Variants in C12orf54 observed in about 807,000 individuals in gnomAD.
C12orf54 encodes uncharacterized protein C12orf54.
A neutral mutation model predicts 26.4 loss-of-function variants in C12orf54; 24 were observed. That is an observed-to-expected ratio of 0.91 (90% CI 0.66 to 1.28). C12orf54 has a LOEUF of 1.28. C12orf54 is among the 50% of genes most tolerant of loss of function. The pLI is 0.00. For missense variants in C12orf54, 154 were observed against 150.9 expected (o/e 1.02, Z -0.11); for synonymous variants, 54 against 47.0 (o/e 1.15, Z -0.61).
chr12:48,478,703 A>C (rs1327883417), upstream of C12orf54, among the ~76,000 whole-genome samples: 1 of 152,232 alleles, frequency 6.6e-6, no homozygotes, highest in Non-Finnish European at 1.5e-5. Context: ...GACGTGAAGG[A>C]CATCTTCAAG....
the C12orf54 span, among the ~76,000 whole-genome samples, chr12:48,450,450 C>G: frequency 1.3e-5 from 2 of 152,026 alleles, no homozygotes; most frequent in African/African-American, 4.8e-5. Flanking sequence ...CAAACCAACC[C>G]CAAAGCTAGC....
the C12orf54 span, among the ~76,000 whole-genome samples, chr12:48,448,710 G>C: frequency 6.6e-6 from 1 of 152,210 alleles, no homozygotes; most frequent in Non-Finnish European, 1.5e-5. Context: ...TTTAGTTGTA[G>C]AGGTGAGTGG....
At chr12:48,439,722 G>A in the C12orf54 span, among the ~76,000 whole-genome samples, 1 of 152,078 alleles carries the variant, frequency 6.6e-6, no homozygotes, top group East Asian at 1.9e-4. Flanking sequence ...ACAGGAAGGG[G>A]AACATCACAC....
At chr12:48,427,141 T>A in the C12orf54 span, among the ~76,000 whole-genome samples, 26 of 152,200 alleles carry the variant, frequency 1.7e-4, no homozygotes, top group African/African-American at 5.5e-4. Context: ...AGAGAGGGCA[T>A]CCTTGTCTTG....
At chr12:48,437,406 C>T in the C12orf54 span, among the ~76,000 whole-genome samples, 1 of 152,142 alleles carries the variant, frequency 6.6e-6, no homozygotes, top group Non-Finnish European at 1.5e-5. Context: ...TTTTGTGAGG[C>T]CAGCATCATC....
At chr12:48,472,706 G>A in the C12orf54 span, 535 of 1,614,176 alleles carry the variant, frequency 3.3e-4, 2 homozygotes, top group African/African-American at 6.5e-3. Context: ...TGCGGAACAG[G>A]ACGCCCTCCG....
chr12:48,414,713 G>A, the C12orf54 span, among the ~76,000 whole-genome samples: 121,942 of 152,030 alleles, frequency 0.8, 49,167 homozygotes, highest in East Asian at 0.88. Context: ...TCATGGGGAA[G>A]GTAGTATTAT....
chr12:48,429,076 T>C, the C12orf54 span, among the ~76,000 whole-genome samples: 1 of 152,124 alleles, frequency 6.6e-6, no homozygotes, highest in Non-Finnish European at 1.5e-5. Context: ...CACATGATCA[T>C]CTCAATAGAT....
At chr12:48,488,299 G>A (rs959487850) in intron 4 of C12orf54, 3 of 558,974 alleles carry the variant, frequency 5.4e-6, no homozygotes, top group African/African-American at 3.7e-5. Flanking sequence ...AGACTTACAA[G>A]AGGGGAAGCC....
the C12orf54 span, among the ~76,000 whole-genome samples, chr12:48,469,861 C>G: frequency 6.6e-6 from 1 of 152,178 alleles, no homozygotes; most frequent in South Asian, 2.1e-4. Flanking sequence ...TCTTCCCACT[C>G]TAGTTGTCCC....
the C12orf54 span, among the ~76,000 whole-genome samples, chr12:48,414,183 G>A: frequency 6.6e-6 from 1 of 152,212 alleles, no homozygotes; most frequent in African/African-American, 2.4e-5. Context: ...TTCTGAGCCA[G>A]TTCTCTGTGC....
At chr12:48,446,203 C>G in the C12orf54 span, among the ~76,000 whole-genome samples, 1 of 152,280 alleles carries the variant, frequency 6.6e-6, no homozygotes, top group Non-Finnish European at 1.5e-5. Flanking sequence ...TGTGAGCTGA[C>G]ATTGTTTTTT....
At chr12:48,477,338 TA>T in the C12orf54 span, among the ~76,000 whole-genome samples, 1 of 151,906 alleles carries the variant, frequency 6.6e-6, no homozygotes, top group Non-Finnish European at 1.5e-5. Context: ...TTAAAAGAAC[TA>T]GAAAAGCAAG....
chr12:48,486,571 TGGG>T, intron 3 of C12orf54, 114 bp from the exon 4 acceptor site: 1 of 1,064,462 alleles, frequency 9.4e-7, no homozygotes, highest in Non-Finnish European at 1.4e-6. Context: ...GGGGTGATTT[TGGG>T]TGTCCAGCTC....
chr12:48,420,912 T>C, the C12orf54 span, among the ~76,000 whole-genome samples: 2 of 152,192 alleles, frequency 1.3e-5, no homozygotes, highest in African/African-American at 4.8e-5. Context: ...GATTTAATTT[T>C]AACTCATGCA....
At chr12:48,483,769 G>T (rs1223003558) in intron 2 of C12orf54, among the ~76,000 whole-genome samples, 1 of 152,204 alleles carries the variant, frequency 6.6e-6, no homozygotes, top group Non-Finnish European at 1.5e-5. Context: ...ATGAGACCCA[G>T]GTGATGGTAT....
chr12:48,453,792 A>T, the C12orf54 span, among the ~76,000 whole-genome samples: 17 of 151,622 alleles, frequency 1.1e-4, no homozygotes, highest in Admixed American at 9.9e-4. Context: ...TAAGCATAAT[A>T]TCATATATCT....
the C12orf54 span, among the ~76,000 whole-genome samples, chr12:48,433,933 T>C: frequency 6.6e-6 from 1 of 152,150 alleles, no homozygotes; most frequent in African/African-American, 2.4e-5. Flanking sequence ...GTGGGTGCAG[T>C]GCACCATGCA....
At chr12:48,478,819 C>T (rs1158703980), upstream of C12orf54, among the ~76,000 whole-genome samples, 3 of 152,248 alleles carry the variant, frequency 2.0e-5, no homozygotes, top group African/African-American at 4.8e-5. Context: ...CAATGAGATA[C>T]CATCTCACAC....
Sources: allele counts gnomAD v4.1 joint callset (sites outside exome capture counted in the v4.1 genomes callset), GRCh38; gene constraint gnomAD v4.1.1; transcripts MANE v1.5; gene names NCBI Gene and HGNC (gene_info 2026-07-23, HGNC 2026-07-21).